Variants in CPAMD8 observed in about 807,000 individuals in gnomAD.
CPAMD8 encodes the protein C3 and PZP-like alpha-2-macroglobulin domain-containing protein 8.
A neutral mutation model predicts 224.7 loss-of-function variants in CPAMD8; 146 were observed. The observed-to-expected ratio is 0.65, with a 90% CI of 0.57 to 0.75. The LOEUF (loss-of-function observed/expected upper bound fraction) is 0.75, where lower values mean the gene tolerates loss of function less well. Among genes scored for constraint, CPAMD8 ranks in the 30% least tolerant of loss-of-function variants. CPAMD8 has a pLI of 0.00. For synonymous variants in CPAMD8, 966 were observed against 1,044.6 expected, an observed-to-expected ratio of 0.92 and a Z score of 1.45; for missense variants, 2,301 against 2,537.5, an observed-to-expected ratio of 0.91 and a Z score of 2.00.
At position 17,007,061 on chromosome 19, in the gene CPAMD8, G is replaced by A. The variant is rs144751420; in HGVS notation, c.559+1444C>T. On this transcript the variant is annotated intron_variant, in intron 7 of 41. Coordinates refer to ENST00000443236, the MANE Select transcript of CPAMD8 (RefSeq NM_015692.5). ...AAGAAAAGAGGCTGAGGCCAGGCAC[G>A]GTGGCTCATGCCTGTAATCCCAGCA... 5.4e-3 allele frequency among the ~76,000 whole-genome samples: 823 copies of A among 152,100 alleles called. 11 individuals are homozygous for A. The highest frequency in any genetic ancestry group is 0.019 in the African/African-American group (770 of 41,528).
chr19:16,994,204 A>G (rs1054201357), intron 11 of CPAMD8, among the ~76,000 whole-genome samples: 2 of 152,250 alleles, frequency 1.3e-5, no homozygotes, highest in African/African-American at 4.8e-5. Context: ...AGCTAAAGCT[A>G]TAACATTCTT....
intron 12 of CPAMD8, among the ~76,000 whole-genome samples, chr19:16,991,178 T>A (rs2055936962): frequency 6.6e-6 from 1 of 152,130 alleles, no homozygotes; most frequent in African/African-American, 2.4e-5. Flanking sequence ...GGATTACATA[T>A]CCTGGTTCTG....
In CPAMD8 at chr19:17,011,510, A is replaced by C. The variant is rs765303892; in HGVS notation, c.440T>G (p.Ile147Arg). ...PVYRPQHRVL[I>R]SIFTVSPNLR... ...ATTTGGAGAGACGGTGAAGATGCTT[A>C]TGAGCACTAGAAGAAAGAAGAGAGG... Residue 147 changes from isoleucine to arginine, a missense_variant, in exon 5 of 42, where the codon ATA (isoleucine) becomes AGA (arginine). Coordinates refer to ENST00000443236, the MANE Select transcript of CPAMD8 (RefSeq NM_015692.5). 4 of 1,614,184 alleles carry C rather than the reference A, an allele frequency of 2.5e-6. No individual in the cohort carries two copies. The highest frequency in any genetic ancestry group is 3.3e-5 in the Admixed American group (2 of 60,006).
intron 18 of CPAMD8, among the ~76,000 whole-genome samples, chr19:16,959,535 C>T (rs2122492453): frequency 6.6e-6 from 1 of 150,830 alleles, no homozygotes; most frequent in Non-Finnish European, 1.5e-5. Context: ...GTTGGCTGCA[C>T]GTATATTTTC....
chr19:16,956,246 C>T (rs1467503503), intron 19 of CPAMD8, among the ~76,000 whole-genome samples: 1 of 152,196 alleles, frequency 6.6e-6, no homozygotes, highest in Non-Finnish European at 1.5e-5. Flanking sequence ...ATCCACCAGC[C>T]TCTCCTACTT....
chr19:16,997,696 T>TA (rs140773636), intron 10 of CPAMD8, among the ~76,000 whole-genome samples: 8,280 of 151,652 alleles, frequency 0.055, 243 homozygotes, highest in Middle Eastern at 0.075. Flanking sequence ...AGTAAAAATG[T>TA]AAAAAAATAG....
chr19:16,949,538 C>T (rs1260292167), intron 20 of CPAMD8, among the ~76,000 whole-genome samples: 31 of 152,170 alleles, frequency 2.0e-4, no homozygotes. Context: ...CTCCCATTTA[C>T]TCCTCACCGA....
At chr19:16,947,006 C>T (rs1007511266) in intron 21 of CPAMD8, 68 bp downstream of exon 21, 16 of 1,495,742 alleles carry the variant, frequency 1.1e-5, no homozygotes, top group African/African-American at 4.2e-5. Flanking sequence ...ATCCCCAACT[C>T]GGGTCAATGC....
chr19:16,981,181 C>T lies in CPAMD8; in HGVS notation c.1396-495G>A, dbSNP rs141627463. ...CAGCCTGAGCAACATAGTGAGACCC[C>T]CATCTCTACAAAAAGCACACACACA... On this transcript the variant is annotated intron_variant, in intron 13 of 41. Transcript: ENST00000443236. Among the ~76,000 whole-genome samples, 134 of 151,920 alleles carry T rather than the reference C, an allele frequency of 8.8e-4. 1 individual carries two copies. Among genetic ancestry groups the T allele is most frequent in the Middle Eastern group, 6.8e-3 (2 of 294 alleles).
intron 11 of CPAMD8, among the ~76,000 whole-genome samples, chr19:16,994,331 G>A (rs984962887): frequency 6.6e-6 from 1 of 152,094 alleles, no homozygotes; most frequent in African/African-American, 2.4e-5. Context: ...ACAGTTCAGT[G>A]TGACACTTAA....
intron 3 of CPAMD8, among the ~76,000 whole-genome samples, chr19:17,014,622 G>C (rs1396556152): frequency 1.3e-5 from 2 of 152,296 alleles, no homozygotes; most frequent in South Asian, 2.1e-4. Context: ...GCAGGCAAGA[G>C]AGAATGAGAG....
At chr19:16,951,745 T>C (rs115088522) in intron 20 of CPAMD8, among the ~76,000 whole-genome samples, 1 of 152,240 alleles carries the variant, frequency 6.6e-6, no homozygotes, top group African/African-American at 2.4e-5. Flanking sequence ...AATCAGAGGC[T>C]GATCTCATCC....
chr19:16,931,827 A>G (rs1245777289), intron 23 of CPAMD8, among the ~76,000 whole-genome samples: 2 of 152,244 alleles, frequency 1.3e-5, no homozygotes, highest in African/African-American at 4.8e-5. Flanking sequence ...GACACCACTG[A>G]TGCTGTTTAT....
chr19:17,010,426 A>G (rs1163140241), intron 5 of CPAMD8, among the ~76,000 whole-genome samples: 2 of 151,906 alleles, frequency 1.3e-5, no homozygotes, highest in Admixed American at 1.3e-4. Flanking sequence ...ATTTTTTGTC[A>G]AGACAGTTTC....
intron 27 of CPAMD8, among the ~76,000 whole-genome samples, chr19:16,920,428 C>T (rs1028826718): frequency 6.6e-6 from 1 of 152,016 alleles, no homozygotes; most frequent in Admixed American, 6.5e-5. Context: ...TGCAGTGTGC[C>T]GAGATGGCGC....
chr19:16,990,863 CAA>C (rs3067791), intron 12 of CPAMD8, among the ~76,000 whole-genome samples: 61 of 73,124 alleles, frequency 8.3e-4, no homozygotes, highest in Middle Eastern at 9.3e-3. Context: ...AACTCTGTCT[CAA>C]AAAAAAAAAA....
At chr19:17,023,019 G>A (rs938346358) in intron 1 of CPAMD8, among the ~76,000 whole-genome samples, 47 of 152,154 alleles carry the variant, frequency 3.1e-4, no homozygotes, top group African/African-American at 1.0e-3. Flanking sequence ...TCTAACTCAG[G>A]CGGTCAGACT....
At chr19:16,902,193 C>T (rs1275542259) in intron 35 of CPAMD8, among the ~76,000 whole-genome samples, 1 of 151,736 alleles carries the variant, frequency 6.6e-6, no homozygotes. Context: ...ATACTGGAGT[C>T]TTCTGTGTCC....
chr19:16,904,673 G>A lies in CPAMD8; in HGVS notation c.4028-121C>T, dbSNP rs910466321. The A allele has an allele frequency of 4.2e-6, 3 of 722,030 alleles. No homozygotes were observed. The African/African-American group carries it at 5.2e-5, about 13-fold the overall frequency. 44.7% of individuals were successfully genotyped at this position (722,030 alleles called of 1,614,324 possible). A position where few individuals can be genotyped will look rare whatever the true frequency, so the allele number is the denominator to read the frequency against. Reference sequence around the variant, plus strand: ...ATTGTGGGACCCCAGTGGGAGAAGAGTATCAGGGGAAGACAGCTGGAACAG... The same window carrying A: ...ATTGTGGGACCCCAGTGGGAGAAGAATATCAGGGGAAGACAGCTGGAACAG... On this transcript the variant is annotated intron_variant, in intron 30 of 41. Coordinates refer to ENST00000443236, the MANE Select transcript of CPAMD8 (RefSeq NM_015692.5).
Sources: allele counts gnomAD v4.1 joint callset (sites outside exome capture counted in the v4.1 genomes callset), GRCh38; gene constraint gnomAD v4.1.1; transcripts MANE v1.5; gene names NCBI Gene and HGNC (gene_info 2026-07-23, HGNC 2026-07-21).